PRIM2: variants seen among roughly 807,000 people sequenced by gnomAD.
PRIM2 encodes DNA primase large subunit.
In PRIM2, 39 loss-of-function variants were observed where a neutral mutation model predicts 67.3. That is an observed-to-expected ratio of 0.58 (90% CI 0.45 to 0.76). PRIM2 has a LOEUF of 0.76. Ranked by LOEUF, PRIM2 falls within the 30% of genes least tolerant of loss-of-function variation. PRIM2 has a pLI of 0.00. For missense variants in PRIM2, 398 were observed against 598.7 expected (o/e 0.66, Z 3.50); for synonymous variants, 143 against 198.7 (o/e 0.72, Z 2.36).
At chr6:57,429,776 G>A (rs1771758784) in intron 7 of PRIM2, among the ~76,000 whole-genome samples, 1 of 152,192 alleles carries the variant, frequency 6.6e-6, no homozygotes, top group African/African-American at 2.4e-5. Context: ...TGAGGTTGTA[G>A]TGAGAAGGCA....
chr6:57,500,379 C>A (rs1423499581), intron 7 of PRIM2, among the ~76,000 whole-genome samples: 1 of 152,150 alleles, frequency 6.6e-6, no homozygotes, highest in Admixed American at 6.6e-5. Flanking sequence ...AATAGTAGAA[C>A]ATTCGTGTAT....
chr6:57,478,412 C>A lies in PRIM2; in HGVS notation c.694-28975C>A, dbSNP rs1296607830. Among the ~76,000 whole-genome samples the A allele has an allele frequency of 1.5e-3, 232 of 149,986 alleles. 2 individuals are homozygous for A. The Admixed American group carries it at 0.015, about 10-fold the overall frequency. The stretch of plus-strand genomic sequence containing the variant: ...CTGGGGCATGGTGGCATGATCATAG[C>A]TCACTGCAGCCTCGAACTCCTGTGC... On this transcript the variant is annotated intron_variant, in intron 7 of 13. Transcript: ENST00000615550.
At chr6:57,614,461 C>G (rs1476377514) in intron 12 of PRIM2, among the ~76,000 whole-genome samples, 1 of 152,108 alleles carries the variant, frequency 6.6e-6, no homozygotes, top group Non-Finnish European at 1.5e-5. Flanking sequence ...AATTATTTCT[C>G]AGGAATACAT....
the PRIM2 span, among the ~76,000 whole-genome samples, chr6:57,235,015 A>G: frequency 6.6e-6 from 1 of 152,062 alleles, no homozygotes; most frequent in Non-Finnish European, 1.5e-5. Flanking sequence ...TAAAAACAAA[A>G]TAACCGAGTG....
the PRIM2 span, among the ~76,000 whole-genome samples, chr6:57,280,134 A>C: frequency 1.3e-5 from 2 of 152,132 alleles, no homozygotes; most frequent in Non-Finnish European, 2.9e-5. Context: ...AGCACTTTCA[A>C]ATAGTTTTTG....
chr6:57,552,631 T>G (rs1363776079), intron 10 of PRIM2, among the ~76,000 whole-genome samples: 1 of 152,234 alleles, frequency 6.6e-6, no homozygotes, highest in Non-Finnish European at 1.5e-5. Flanking sequence ...ACCTACTATA[T>G]GCTTTAGTTT....
At chr6:57,540,327 T>C (rs1775120690) in intron 10 of PRIM2, among the ~76,000 whole-genome samples, 1 of 151,918 alleles carries the variant, frequency 6.6e-6, no homozygotes, top group East Asian at 1.9e-4. Flanking sequence ...GTTATGGAAG[T>C]TGACAAGTCT....
At chr6:57,258,082 C>T in the PRIM2 span, among the ~76,000 whole-genome samples, 1 of 151,908 alleles carries the variant, frequency 6.6e-6, no homozygotes, top group Non-Finnish European at 1.5e-5. Flanking sequence ...TTTTTTCCAG[C>T]ACCATTAAAA....
At chr6:57,306,391 G>A in the PRIM2 span, among the ~76,000 whole-genome samples, 1 of 152,098 alleles carries the variant, frequency 6.6e-6, no homozygotes. Context: ...GGAGGTTCAG[G>A]TGACTCCCGA....
At chr6:57,441,318 G>T (rs1772198039) in intron 7 of PRIM2, among the ~76,000 whole-genome samples, 1 of 152,168 alleles carries the variant, frequency 6.6e-6, no homozygotes, top group African/African-American at 2.4e-5. Flanking sequence ...TAGCTTTTTA[G>T]AGCTTACCAG....
intron 10 of PRIM2, among the ~76,000 whole-genome samples, chr6:57,599,025 C>T (rs1776417125): frequency 1.8e-5 from 1 of 54,144 alleles, no homozygotes; most frequent in Non-Finnish European, 3.3e-5. Context: ...CGGCTCACTG[C>T]AAGCTCCGCC....
At chr6:57,396,616 A>G (rs1050416954) in intron 7 of PRIM2, among the ~76,000 whole-genome samples, 2 of 152,196 alleles carry the variant, frequency 1.3e-5, no homozygotes, top group Admixed American at 1.3e-4. Context: ...GCAATTCTGT[A>G]TCTTCTGAGT....
intron 12 of PRIM2, among the ~76,000 whole-genome samples, chr6:57,613,481 T>C (rs1336438490): frequency 2.6e-5 from 4 of 152,222 alleles, no homozygotes; most frequent in Non-Finnish European, 4.4e-5. Context: ...TAGTACTAGA[T>C]GACTGCAAGG....
At chr6:57,298,175 T>C in the PRIM2 span, among the ~76,000 whole-genome samples, 1 of 151,924 alleles carries the variant, frequency 6.6e-6, no homozygotes, top group Admixed American at 6.6e-5. Context: ...GCAGGGCCAA[T>C]GTGGCGAAAC....
chr6:57,350,492 G>C (rs1425628211), intron 5 of PRIM2, among the ~76,000 whole-genome samples: 1 of 152,162 alleles, frequency 6.6e-6, no homozygotes, highest in Non-Finnish European at 1.5e-5. Flanking sequence ...AATTTAACTT[G>C]TCAATCTGCA....
chr6:57,546,313 A>G (rs1454681659), intron 10 of PRIM2, among the ~76,000 whole-genome samples: 1 of 152,216 alleles, frequency 6.6e-6, no homozygotes, highest in Non-Finnish European at 1.5e-5. Context: ...GAACGAAGGA[A>G]TTGGAAAACA....
In PRIM2 at chr6:57,597,187, G is replaced by A. The variant is rs1462413771; in HGVS notation, c.1021-3906G>A. Among the ~76,000 whole-genome samples the A allele has an allele frequency of 5.9e-5, 9 of 152,340 alleles. No individual in the cohort carries two copies. In the East Asian group the frequency reaches 9.7e-4, roughly 16 times the overall value. ...ATTGCAACAAGAAAGGTACAGCACC[G>A]TACAAACTGCTGCTGTGCGTTCTTT... On this transcript the variant is annotated intron_variant, in intron 10 of 13. Transcript: ENST00000615550.
chr6:57,429,305 G>A (rs1378170085), intron 7 of PRIM2, among the ~76,000 whole-genome samples: 1 of 152,162 alleles, frequency 6.6e-6, no homozygotes, highest in African/African-American at 2.4e-5. Context: ...AAACATCAAG[G>A]CTGGAGGGAC....
intron 7 of PRIM2, among the ~76,000 whole-genome samples, chr6:57,396,184 T>C (rs1171548466): frequency 1.3e-5 from 2 of 152,164 alleles, no homozygotes; most frequent in Non-Finnish European, 2.9e-5. Flanking sequence ...TGTTCCAAGG[T>C]ATAGTTTAAA....
Sources: allele counts gnomAD v4.1 joint callset (sites outside exome capture counted in the v4.1 genomes callset), GRCh38; gene constraint gnomAD v4.1.1; transcripts MANE v1.5; gene names NCBI Gene and HGNC (gene_info 2026-07-23, HGNC 2026-07-21).